Variants in TMED3 observed in about 807,000 individuals in gnomAD.
TMED3 encodes the protein transmembrane p24 trafficking protein 3, also known as transmembrane emp24 domain-containing protein 3.
TMED3 carries 9 observed loss-of-function variants against 15.0 expected under a neutral mutation model. The observed-to-expected ratio is 0.60, with a 90% CI of 0.36 to 1.04. TMED3 has a LOEUF of 1.04. Ranked by LOEUF, TMED3 falls within the 50% of genes least tolerant of loss-of-function variation. The probability of loss-of-function intolerance (pLI) is 0.01; values close to 1 mark genes in which losing one functional copy is unlikely to be tolerated. For synonymous variants in TMED3, 117 were observed against 121.4 expected, an observed-to-expected ratio of 0.96 and a Z score of 0.24; for missense variants, 267 against 278.9, an observed-to-expected ratio of 0.96 and a Z score of 0.30.
At chr15:79,317,196 C>T (rs1311775012) in intron 2 of TMED3, among the ~76,000 whole-genome samples, 1 of 152,212 alleles carries the variant, frequency 6.6e-6, no homozygotes, top group South Asian at 2.1e-4. Flanking sequence ...TTAAAGGCCA[C>T]GAGGCCTCTT....
chr15:79,355,282 G>T (rs1435410396), intron 2 of TMED3, among the ~76,000 whole-genome samples: 1 of 152,164 alleles, frequency 6.6e-6, no homozygotes, highest in Non-Finnish European at 1.5e-5. Flanking sequence ...TCACTTGTAT[G>T]ATCACAGCTG....
chr15:79,408,636 A>G (rs1893932045), intron 2 of TMED3, among the ~76,000 whole-genome samples: 1 of 152,144 alleles, frequency 6.6e-6, no homozygotes, highest in African/African-American at 2.4e-5. Context: ...CTCAGAGAGA[A>G]TGGCCCCTGG....
chr15:79,329,338 A>G (rs998018672), intron 2 of TMED3, among the ~76,000 whole-genome samples: 1 of 152,236 alleles, frequency 6.6e-6, no homozygotes, highest in Non-Finnish European at 1.5e-5. Context: ...TCGTTATACC[A>G]GAATCACTGG....
chr15:79,367,759 A>C (rs557837441), intron 2 of TMED3, among the ~76,000 whole-genome samples: 1 of 152,384 alleles, frequency 6.6e-6, no homozygotes, highest in South Asian at 2.1e-4. Context: ...CATGTAAAGT[A>C]ATAAATCAAT....
intron 2 of TMED3, among the ~76,000 whole-genome samples, chr15:79,402,006 C>T (rs1490653350): frequency 2.0e-5 from 3 of 152,030 alleles, no homozygotes; most frequent in Non-Finnish European, 2.9e-5. Context: ...ATTGTCTTGG[C>T]CTGAGTCCCT....
intron 2 of TMED3, among the ~76,000 whole-genome samples, chr15:79,390,779 A>G (rs1893686214): frequency 1.3e-5 from 2 of 151,872 alleles, no homozygotes; most frequent in Non-Finnish European, 2.9e-5. Flanking sequence ...TGGTCTGTTC[A>G]GGGTATCTAT....
At chr15:79,389,573 G>C in intron 2 of TMED3, among the ~76,000 whole-genome samples, 1 of 152,034 alleles carries the variant, frequency 6.6e-6, no homozygotes, top group Non-Finnish European at 1.5e-5. Flanking sequence ...TGGCTATGTG[G>C]GCTCTTGTTT....
chr15:79,322,144 T>G lies in TMED3; in HGVS notation c.584T>G (p.Phe195Cys). The G allele has an allele frequency of 6.2e-7, 1 of 1,614,214 alleles. No individual in the cohort carries two copies. Among genetic ancestry groups the G allele is most frequent in the Non-Finnish European group, 8.5e-7 (1 of 1,180,034 alleles). Residue 195 changes from phenylalanine (F) to cysteine (C), a missense_variant, in exon 3 of 3, where the codon TTC becomes TGC. Physicochemically the swap from Phe to Cys is radical, Grantham distance 205. This residue lies in a region of TMED3 where 139 missense variants were observed against 125.0 expected (regional missense o/e 1.11). Transcript: ENST00000299705. ...ACGATTGCCCTGTTCGTGGTCAGCTTCAGTCAGGTGCTACTGTTGAAAAGC... is the reference window on the plus strand; with the variant it reads ...ACGATTGCCCTGTTCGTGGTCAGCTGCAGTCAGGTGCTACTGTTGAAAAGC... ...GETIALFVVSFSQVLLLKSFF... is the reference protein window; with the variant it reads ...GETIALFVVSCSQVLLLKSFF...
chr15:79,395,536 T>TAA (rs1185437719), intron 2 of TMED3, among the ~76,000 whole-genome samples: 2 of 151,440 alleles, frequency 1.3e-5, no homozygotes, highest in Non-Finnish European at 2.9e-5. Context: ...AACTACACTT[T>TAA]AAAAAAAAAG....
intron 2 of TMED3, among the ~76,000 whole-genome samples, chr15:79,401,657 C>T (rs572680138): frequency 7.9e-5 from 12 of 152,208 alleles, no homozygotes; most frequent in Admixed American, 3.3e-4. Flanking sequence ...TGAGGAAAAA[C>T]GAAGAACAGT....
At chr15:79,365,252 A>G (rs1234750370) in intron 2 of TMED3, among the ~76,000 whole-genome samples, 1 of 152,260 alleles carries the variant, frequency 6.6e-6, no homozygotes, top group African/African-American at 2.4e-5. Flanking sequence ...AGGTGAATTC[A>G]GAGATTTTCT....
intron 2 of TMED3, among the ~76,000 whole-genome samples, chr15:79,359,206 A>G (rs1246634523): frequency 6.7e-6 from 1 of 150,044 alleles, no homozygotes; most frequent in Non-Finnish European, 1.5e-5. Context: ...GGAGAGGTAC[A>G]GTTTATTTGA....
chr15:79,374,407 G>A (rs1893392431), intron 2 of TMED3, among the ~76,000 whole-genome samples: 1 of 152,092 alleles, frequency 6.6e-6, no homozygotes, highest in African/African-American at 2.4e-5. Context: ...TAATTTTTTA[G>A]GTTTACTTTG....
intron 2 of TMED3, among the ~76,000 whole-genome samples, chr15:79,394,807 AAAG>A (rs1248262595): frequency 6.6e-6 from 1 of 152,234 alleles, no homozygotes; most frequent in African/African-American, 2.4e-5. Context: ...AACTTTGTTT[AAAG>A]AAATTAAATA....
intron 2 of TMED3, among the ~76,000 whole-genome samples, chr15:79,353,504 T>TTTATATATTTTATAAATC: frequency 6.8e-6 from 1 of 147,416 alleles, no homozygotes; most frequent in African/African-American, 2.5e-5. Flanking sequence ...GCAACAAAAT[T>TTTATATATTTTATAAATC]TTATATATTT....
intron 2 of TMED3, among the ~76,000 whole-genome samples, chr15:79,362,671 C>T (rs965135782): frequency 3.9e-5 from 6 of 152,212 alleles, no homozygotes; most frequent in African/African-American, 1.4e-4. Context: ...GTGCTGTCCT[C>T]ATGATAGTGA....
Position 79,311,178 on chromosome 15 carries a change from G to T in TMED3, c.-72G>T. 1.3e-6 allele frequency: 2 copies of T among 1,490,874 alleles called. No individual in the cohort carries two copies. Among genetic ancestry groups the T allele is most frequent in the Non-Finnish European group, 1.8e-6 (2 of 1,119,940 alleles). 92.4% of individuals were successfully genotyped at this position (1,490,874 alleles called of 1,614,324 possible). A position where few individuals can be genotyped will look rare whatever the true frequency, so the allele number is the denominator to read the frequency against. On this transcript the variant is annotated 5_prime_UTR_variant, in exon 1 of 3. Transcript: ENST00000299705. Reference sequence around the variant, plus strand: ...CCTTACATCCTCCTAGGACCCGGTCGGTAGTCGTCGCCCCAGCCCGCCGGG... The same window carrying T: ...CCTTACATCCTCCTAGGACCCGGTCTGTAGTCGTCGCCCCAGCCCGCCGGG...
chr15:79,385,266 C>G (rs890476827), intron 2 of TMED3, among the ~76,000 whole-genome samples: 3 of 152,144 alleles, frequency 2.0e-5, no homozygotes, highest in African/African-American at 2.4e-5. Flanking sequence ...TATACTCTGG[C>G]CCTGGGATCC....
At chr15:79,402,268 C>A (rs1038926984) in intron 2 of TMED3, among the ~76,000 whole-genome samples, 1 of 152,168 alleles carries the variant, frequency 6.6e-6, no homozygotes, top group African/African-American at 2.4e-5. Context: ...GGCTCCTGTG[C>A]CCCATGGGTC....
Sources: gnomAD v4.1 joint callset for allele counts (sites outside exome capture counted in the v4.1 genomes callset) on GRCh38, gnomAD v4.1.1 for gene constraint, gnomAD v4.1.1 regional missense constraint, MANE v1.5 for transcripts, NCBI Gene and HGNC (gene_info 2026-07-23, HGNC 2026-07-21) for gene names.